CADPS2: variants seen among roughly 807,000 people sequenced by gnomAD.
The protein encoded by CADPS2 is calcium-dependent secretion activator 2.
CADPS2 carries 93 observed loss-of-function variants against 172.5 expected under a neutral mutation model. The observed-to-expected ratio is 0.54, with a 90% confidence interval of 0.46 to 0.64. The LOEUF is 0.64. CADPS2 is among the 30% of genes least tolerant of loss of function. CADPS2 has a pLI of 0.00. For missense variants in CADPS2, 1,420 were observed against 1,565.9 expected (o/e 0.91, Z 1.57); for synonymous variants, 546 against 555.2 (o/e 0.98, Z 0.23).
intron 2 of CADPS2, among the ~76,000 whole-genome samples, chr7:122,736,485 G>A (rs1356600328): frequency 2.0e-5 from 3 of 152,150 alleles, no homozygotes; most frequent in Non-Finnish European, 2.9e-5. Flanking sequence ...GCTAGAATCA[G>A]AAGAAACAGC....
intron 29 of CADPS2, among the ~76,000 whole-genome samples, chr7:122,324,127 G>T (rs2033310461): frequency 6.6e-6 from 1 of 151,814 alleles, no homozygotes; most frequent in Non-Finnish European, 1.5e-5. Context: ...GACATGTAAT[G>T]TGTAGCTATA....
At chr7:122,817,605 G>C (rs1801856162) in intron 1 of CADPS2, among the ~76,000 whole-genome samples, 1 of 152,008 alleles carries the variant, frequency 6.6e-6, no homozygotes, top group South Asian at 2.1e-4. Flanking sequence ...TGCCTGCCTT[G>C]GTCCTTCACC....
At position 122,683,486 on chromosome 7, in the gene CADPS2, T is replaced by C. The variant is rs541702498; in HGVS notation, c.454-19917A>G. On this transcript the variant is annotated intron_variant, in intron 2 of 29. Transcript: ENST00000449022. The stretch of plus-strand genomic sequence containing the variant: ...CAGTGGTTCTGTATCAATATCACTT[T>C]TAAAAATACTTTTTGTTTCGTAACA... Among the ~76,000 whole-genome samples, 34 of 152,320 alleles carry C rather than the reference T, an allele frequency of 2.2e-4. No individual in the cohort carries two copies. In the South Asian group the frequency reaches 5.8e-3, roughly 26 times the overall value.
chr7:122,319,087 T>C lies in CADPS2; in HGVS notation c.*1078A>G, dbSNP rs2031858585. On this transcript the variant is annotated 3_prime_UTR_variant, in exon 30 of 30. Coordinates refer to ENST00000449022, the MANE Select transcript of CADPS2 (RefSeq NM_017954.11). ...AATAATGTGAATTACTAGTTAATAT[T>C]ACTAACATTACTAATTATTAGTTAA... is the stretch of plus-strand genomic sequence containing the variant. The C allele has an allele frequency of 6.6e-6, 1 of 152,192 alleles. No individual in the cohort carries two copies. Among genetic ancestry groups the C allele is most frequent in the Admixed American group, 6.5e-5 (1 of 15,280 alleles). The allele number at this position is 152,192 out of a possible 1,614,324, so 9.4% of individuals were successfully genotyped here. A position where few individuals can be genotyped will look rare whatever the true frequency, so the allele number is the denominator to read the frequency against.
Position 122,527,429 on chromosome 7 carries a change from A to C in CADPS2, c.1476-14114T>G, listed in dbSNP as rs200789691. Among the ~76,000 whole-genome samples the C allele has an allele frequency of 1.7e-3, 252 of 146,906 alleles. 1 individual carries two copies. The highest frequency in any genetic ancestry group is 4.9e-3 in the African/African-American group (196 of 40,268). On this transcript the variant is annotated intron_variant, in intron 8 of 29. Transcript: ENST00000449022. ...TCACTAATATGCTAAAAAAAAAAAA[A>C]ACACAAAACTGTCTGATATTGACAG...
chr7:122,463,377 T>C (rs1003229031), intron 14 of CADPS2, among the ~76,000 whole-genome samples: 8 of 151,854 alleles, frequency 5.3e-5, no homozygotes, highest in African/African-American at 1.9e-4. Context: ...TGGAGTGCAA[T>C]GGCATGATCT....
At chr7:122,578,560 C>A (rs1230816954) in intron 7 of CADPS2, among the ~76,000 whole-genome samples, 2 of 152,064 alleles carry the variant, frequency 1.3e-5, no homozygotes, top group South Asian at 2.1e-4. Context: ...TCTGACTCAG[C>A]AGATCTAGAG....
At chr7:122,453,184 T>G (rs2152051766) in intron 14 of CADPS2, among the ~76,000 whole-genome samples, 1 of 152,322 alleles carries the variant, frequency 6.6e-6, no homozygotes, top group East Asian at 1.9e-4. Flanking sequence ...TTATTCCATC[T>G]GAATGCATTT....
chr7:122,613,282 G>A (rs2074505638), intron 6 of CADPS2, among the ~76,000 whole-genome samples: 1 of 152,182 alleles, frequency 6.6e-6, no homozygotes, highest in South Asian at 2.1e-4. Flanking sequence ...TATATGATGT[G>A]GGCCTAGTAT....
At chr7:122,577,189 T>A (rs2068163406) in intron 7 of CADPS2, among the ~76,000 whole-genome samples, 1 of 152,106 alleles carries the variant, frequency 6.6e-6, no homozygotes, top group African/African-American at 2.4e-5. Flanking sequence ...CATGCAGAAC[T>A]GAGTCAATTA....
intron 8 of CADPS2, among the ~76,000 whole-genome samples, chr7:122,544,576 C>CT (rs1263821631): frequency 1.3e-5 from 2 of 152,142 alleles, no homozygotes; most frequent in African/African-American, 4.8e-5. Flanking sequence ...CATCTGGACT[C>CT]ATTCATATGC....
At chr7:122,682,833 G>A (rs1442821617) in intron 2 of CADPS2, among the ~76,000 whole-genome samples, 2 of 152,226 alleles carry the variant, frequency 1.3e-5, no homozygotes, top group African/African-American at 4.8e-5. Flanking sequence ...CTAGAGATGG[G>A]ATAATTCCCT....
intron 17 of CADPS2, among the ~76,000 whole-genome samples, chr7:122,438,139 C>G (rs2050883773): frequency 6.6e-6 from 1 of 152,120 alleles, no homozygotes; most frequent in African/African-American, 2.4e-5. Flanking sequence ...CTGGGTCTTT[C>G]ATTCAAGCAG....
chr7:122,428,435 AT>A (rs975018591), intron 17 of CADPS2, among the ~76,000 whole-genome samples: 49 of 150,044 alleles, frequency 3.3e-4, no homozygotes, highest in Middle Eastern at 3.5e-3. Flanking sequence ...GTGTATACCT[AT>A]ACATATATAT....
chr7:122,482,123 C>T (rs780618502), intron 11 of CADPS2, among the ~76,000 whole-genome samples: 5 of 151,970 alleles, frequency 3.3e-5, no homozygotes, highest in Admixed American at 6.6e-5. Context: ...ACAATAGCCA[C>T]GAGCTCAACA....
At chr7:122,719,970 TA>T (rs1325640680) in intron 2 of CADPS2, among the ~76,000 whole-genome samples, 3 of 152,120 alleles carry the variant, frequency 2.0e-5, no homozygotes, top group Admixed American at 2.0e-4. Context: ...ACTTGCTCAA[TA>T]AAGAGTTATT....
chr7:122,441,513 C>T lies in CADPS2; in HGVS notation c.2351G>A (p.Arg784Lys). The T allele has an allele frequency of 6.5e-7, 1 of 1,526,964 alleles. No individual in the cohort carries two copies. Among genetic ancestry groups the T allele is most frequent in the Non-Finnish European group, 8.8e-7 (1 of 1,136,448 alleles). 94.6% of individuals were successfully genotyped at this position (1,526,964 alleles called of 1,614,324 possible). Residue 784 changes from arginine to lysine, a missense_variant and splice_region_variant, in exon 16 of 30, where the codon AGG (arginine) becomes AAG (lysine). Physicochemically the swap from Arg to Lys is conservative, Grantham distance 26. Transcript: ENST00000449022. Reference sequence around the variant, plus strand: ...TTATAAAGTAATGTTCAAACATACCCTTTCAAGTAATGAAAGTGTAGCTTT... The same window carrying T: ...TTATAAAGTAATGTTCAAACATACCTTTTCAAGTAATGAAAGTGTAGCTTT... ...ALKATLSLLE[R>K]VLMKDIATPI... is the part of the protein sequence containing the mutation.
chr7:122,388,612 G>A lies in CADPS2; in HGVS notation c.3135C>T (p.Ala1045=). Residue 1045 remains alanine, a synonymous_variant, in exon 23 of 30, where the codon GCC becomes GCT. Transcript: ENST00000449022. ...HHLEQRLKLM[A]SDMLEACVKR... is the part of the protein sequence containing the mutation. ...TGACACAGGCCTCTAGCATATCACT[G>A]GCCATTAGTTTAAGTCTTTGCTCTA... 6.2e-7 allele frequency: 1 copy of A among 1,605,740 alleles called. No homozygotes were observed. The highest frequency in any genetic ancestry group is 8.5e-7 in the Non-Finnish European group (1 of 1,174,538).
intron 2 of CADPS2, among the ~76,000 whole-genome samples, chr7:122,666,963 G>C (rs1224867670): frequency 3.3e-5 from 5 of 152,164 alleles, no homozygotes; most frequent in Non-Finnish European, 7.4e-5. Context: ...GTGAGGTCTG[G>C]ATCCCAGCCC....
Sources: gnomAD v4.1 joint callset for allele counts (sites outside exome capture counted in the v4.1 genomes callset) on GRCh38, gnomAD v4.1.1 for gene constraint, MANE v1.5 for transcripts, NCBI Gene and HGNC (gene_info 2026-07-23, HGNC 2026-07-21) for gene names.